FYN: variants seen among roughly 807,000 people sequenced by gnomAD.
The protein encoded by FYN is tyrosine-protein kinase Fyn.
FYN carries 10 observed loss-of-function variants against 70.2 expected under a neutral mutation model. The observed-to-expected ratio is 0.14, with a 90% confidence interval of 0.09 to 0.24. The LOEUF (loss-of-function observed/expected upper bound fraction) is 0.24. FYN is among the 10% of genes least tolerant of loss of function. The probability of loss-of-function intolerance (pLI) is 1.00; values close to 1 mark genes in which losing one functional copy is unlikely to be tolerated. For synonymous variants in FYN, 236 were observed against 248.6 expected, an observed-to-expected ratio of 0.95 and a Z score of 0.48; for missense variants, 319 against 673.1, an observed-to-expected ratio of 0.47 and a Z score of 5.82.
chr6:111,792,804 T>C (rs1771671606), intron 2 of FYN, among the ~76,000 whole-genome samples: 1 of 152,194 alleles, frequency 6.6e-6, no homozygotes, highest in East Asian at 1.9e-4. Flanking sequence ...TTTATTTATA[T>C]AAAGTTCATA....
chr6:111,816,869 C>T (rs1004971252), intron 2 of FYN, among the ~76,000 whole-genome samples: 3 of 152,186 alleles, frequency 2.0e-5, no homozygotes, highest in Non-Finnish European at 2.9e-5. Context: ...TTGCTTCTAA[C>T]AGAAAAATCA....
intron 3 of FYN, among the ~76,000 whole-genome samples, chr6:111,730,008 T>C (rs1441019445): frequency 6.6e-6 from 1 of 152,214 alleles, no homozygotes; most frequent in Non-Finnish European, 1.5e-5. Context: ...CAACTACACA[T>C]TGATGAAGTA....
intron 5 of FYN, among the ~76,000 whole-genome samples, chr6:111,710,128 G>A (rs770543626): frequency 6.6e-6 from 1 of 151,972 alleles, no homozygotes; most frequent in African/African-American, 2.4e-5. Context: ...ACCCTCTCCC[G>A]CCCAGCCTGG....
rs1798453305 is a variant in FYN at position 111,674,628 on chromosome 6, C to T, written c.1276G>A (p.Ala426Thr). ...GCCGTCCACTTGATGGGGAACTTTG[C>T]ACCTGCAGAATGAACACTTGGTTAT... ...EDNEYTARQG[A>T]KFPIKWTAPE... Residue 426 changes from alanine to threonine, a missense_variant and splice_region_variant, in exon 13 of 14, where the codon GCA becomes ACA. By Grantham distance (58) the Ala-to-Thr change is moderately conservative. Coordinates refer to ENST00000354650, the MANE Select transcript of FYN (RefSeq NM_002037.5). The T allele has an allele frequency of 1.2e-6, 2 of 1,612,730 alleles. No homozygotes were observed. Among genetic ancestry groups the T allele is most frequent in the Non-Finnish European group, 1.7e-6 (2 of 1,179,158 alleles).
intron 1 of FYN, among the ~76,000 whole-genome samples, chr6:111,856,742 C>T (rs1349981651): frequency 6.6e-6 from 1 of 152,028 alleles, no homozygotes; most frequent in African/African-American, 2.4e-5. Context: ...TGGCTCCCCC[C>T]CGACACACAA....
intron 9 of FYN, chr6:111,699,700 A>T: frequency 6.2e-7 from 1 of 1,600,802 alleles, no homozygotes; most frequent in East Asian, 2.2e-5. Flanking sequence ...TAAAGAAAAC[A>T]CAGTCCTTAT....
At chr6:111,837,392 C>A (rs979090315) in intron 2 of FYN, among the ~76,000 whole-genome samples, 3 of 151,958 alleles carry the variant, frequency 2.0e-5, no homozygotes, top group Non-Finnish European at 4.4e-5. Flanking sequence ...TAAAGATGGA[C>A]AAAATCCTCC....
chr6:111,835,984 G>T (rs1432063170), intron 2 of FYN, among the ~76,000 whole-genome samples: 1 of 152,126 alleles, frequency 6.6e-6, no homozygotes, highest in Non-Finnish European at 1.5e-5. Flanking sequence ...GCAAACTTTG[G>T]CTCCACGAGG....
intron 13 of FYN, among the ~76,000 whole-genome samples, chr6:111,672,679 C>T (rs1313827961): frequency 6.6e-6 from 1 of 152,142 alleles, no homozygotes; most frequent in Non-Finnish European, 1.5e-5. Flanking sequence ...ATTTACTTGC[C>T]CACTGTGCTA....
intron 2 of FYN, among the ~76,000 whole-genome samples, chr6:111,837,270 A>G (rs1290521139): frequency 1.9e-4 from 29 of 152,218 alleles, no homozygotes; most frequent in Non-Finnish European, 1.0e-4. Flanking sequence ...TGTAAAAGAA[A>G]AAAATGTTTT....
chr6:111,843,933 C>T (rs568410640), intron 2 of FYN, among the ~76,000 whole-genome samples: 14 of 152,132 alleles, frequency 9.2e-5, no homozygotes, highest in South Asian at 4.2e-4. Flanking sequence ...TAACAAATGC[C>T]GCTTTCTTAG....
At chr6:111,727,402 AAACTTTCTGG>A (rs1423177546) in intron 3 of FYN, among the ~76,000 whole-genome samples, 1 of 152,208 alleles carries the variant, frequency 6.6e-6, no homozygotes, top group East Asian at 1.9e-4. Flanking sequence ...TTTACAGGCA[AAACTTTCTGG>A]AACATATTTA....
At chr6:111,705,241 C>T (rs1446155788) in intron 6 of FYN, among the ~76,000 whole-genome samples, 1 of 152,076 alleles carries the variant, frequency 6.6e-6, no homozygotes, top group Non-Finnish European at 1.5e-5. Context: ...ATAACTTCCT[C>T]CCTATAAGAA....
At chr6:111,677,429 T>G (rs528667273) in intron 12 of FYN, among the ~76,000 whole-genome samples, 78 of 152,344 alleles carry the variant, frequency 5.1e-4, no homozygotes, top group African/African-American at 1.9e-3. Context: ...GCTTCCCACC[T>G]CCTGAGGGTA....
chr6:111,756,077 T>C (rs1404168849), intron 3 of FYN, among the ~76,000 whole-genome samples: 1 of 151,994 alleles, frequency 6.6e-6, no homozygotes, highest in Non-Finnish European at 1.5e-5. Flanking sequence ...AGCTATTTAT[T>C]TGGAAAGACT....
intron 8 of FYN, among the ~76,000 whole-genome samples, chr6:111,701,681 T>A (rs1414764923): frequency 6.6e-6 from 1 of 152,214 alleles, no homozygotes; most frequent in African/African-American, 2.4e-5. Flanking sequence ...ACCCTGGGGA[T>A]CCTGCTGATG....
At chr6:111,693,417 A>T (rs1451042257) in intron 12 of FYN, among the ~76,000 whole-genome samples, 17 of 152,104 alleles carry the variant, frequency 1.1e-4, no homozygotes, top group Admixed American at 1.1e-3. Flanking sequence ...TATATTCTAC[A>T]TGAGGAGCCT....
chr6:111,671,835 G>C (rs1186822890), intron 13 of FYN, among the ~76,000 whole-genome samples: 1 of 152,152 alleles, frequency 6.6e-6, no homozygotes, highest in South Asian at 2.1e-4. Context: ...ATTATCCTTC[G>C]TTAGGGTAAT....
chr6:111,685,437 C>T (rs967337323), intron 12 of FYN, among the ~76,000 whole-genome samples: 2 of 152,164 alleles, frequency 1.3e-5, no homozygotes, highest in African/African-American at 4.8e-5. Context: ...CAAACCGCTC[C>T]CCTTTTCAAT....
Sources: gnomAD v4.1 joint callset for allele counts (sites outside exome capture counted in the v4.1 genomes callset) on GRCh38, gnomAD v4.1.1 for gene constraint, MANE v1.5 for transcripts, NCBI Gene and HGNC (gene_info 2026-07-23, HGNC 2026-07-21) for gene names.